FBXO24: variants seen among roughly 807,000 people sequenced by gnomAD.
FBXO24 encodes the protein F-box protein 24.
FBXO24 carries 30 observed loss-of-function variants against 63.5 expected under a neutral mutation model. The observed-to-expected ratio is 0.47, with a 90% confidence interval of 0.35 to 0.64. The LOEUF (loss-of-function observed/expected upper bound fraction) is 0.64. FBXO24 is among the 30% of genes least tolerant of loss of function. The pLI is 0.00. For synonymous variants in FBXO24, 300 were observed against 305.0 expected (o/e 0.98, Z 0.17); for missense variants, 624 against 763.4 (o/e 0.82, Z 2.15).
chr7:100,600,898 AATCC>A lies in FBXO24; in HGVS notation c.1743_*3del. 1.2e-6 allele frequency: 2 copies of A among 1,611,652 alleles called. No homozygotes were observed. Among genetic ancestry groups the A allele is most frequent in the African/African-American group, 2.7e-5 (2 of 74,984 alleles). Reference sequence around the variant, plus strand: ...GTAGGGCCCCCAGCCCCTGAGACCTAATCCCCCTCATGCTAGCCTAGTCCCTGGA... The same window carrying A: ...GTAGGGCCCCCAGCCCCTGAGACCTACCCTCATGCTAGCCTAGTCCCTGGA... On this transcript the variant is annotated stop_lost and 3_prime_UTR_variant, in exon 10 of 10. Coordinates refer to ENST00000241071, the MANE Select transcript of FBXO24 (RefSeq NM_033506.3). This position sits in a 1 kb window ranked among gnomAD's most constrained non-coding sequence, Gnocchi z 6.3.
chr7:100,591,428 GCTCA>G (rs1488431120), intron 3 of FBXO24, among the ~76,000 whole-genome samples: 1 of 152,184 alleles, frequency 6.6e-6, no homozygotes, highest in African/African-American at 2.4e-5. Context: ...CCAAAGAACT[GCTCA>G]CTAAGAAGCA....
At chr7:100,589,826 A>G (rs1584420151) in intron 1 of FBXO24, 151 bp from the exon 2 acceptor site, 2 of 1,517,060 alleles carry the variant, frequency 1.3e-6, no homozygotes, top group Non-Finnish European at 1.8e-6. Context: ...GATCGGGAGG[A>G]GTTATTTGGA....
chr7:100,590,150 C>G (rs376938195), intron 2 of FBXO24, 24 bp from the exon 3 acceptor site: 9 of 1,610,246 alleles, frequency 5.6e-6, no homozygotes, highest in Non-Finnish European at 7.6e-6. Context: ...AAAGACTCCC[C>G]GCTTCTTCCC....
chr7:100,600,506 C>T lies in FBXO24; in HGVS notation c.1378-28C>T. On this transcript the variant is annotated intron_variant, in intron 9 of 9. Transcript: ENST00000241071. This position sits in a 1 kb window ranked among gnomAD's most constrained non-coding sequence, Gnocchi z 6.3. The stretch of plus-strand genomic sequence containing the variant: ...ACCCTGCAAGGAAAGCACCACTCAG[C>T]CATGCCCCCTTTCTCTCCTCCTCCA... The T allele has an allele frequency of 6.5e-7, 1 of 1,529,950 alleles. No individual in the cohort carries two copies. The highest frequency in any genetic ancestry group is 8.8e-7 in the Non-Finnish European group (1 of 1,139,788). 94.8% of individuals were successfully genotyped at this position (1,529,950 alleles called of 1,614,324 possible).
At chr7:100,595,372 T>C (rs1203417736) in intron 7 of FBXO24, 149 bp downstream of exon 7, 6 of 1,451,504 alleles carry the variant, frequency 4.1e-6, no homozygotes, top group Non-Finnish European at 4.6e-6. Flanking sequence ...GGGGGCTCGG[T>C]GCGGAGGGAG....
intron 1 of FBXO24, 151 bp from the exon 2 acceptor site, chr7:100,589,826 A>C (rs1584420151): frequency 2.0e-6 from 3 of 1,517,060 alleles, no homozygotes; most frequent in Non-Finnish European, 2.7e-6. Flanking sequence ...GATCGGGAGG[A>C]GTTATTTGGA....
In FBXO24 at chr7:100,589,522, A is replaced by G. The variant is rs574573958; in HGVS notation, c.40-455A>G. ...ATGGGTCCTGGGCAAGATTAAAGGG[A>G]ACAGGTCACAGTGGCCAAACAGTGA... is the stretch of plus-strand genomic sequence containing the variant. On this transcript the variant is annotated intron_variant, in intron 1 of 9. Transcript: ENST00000241071. 9 of 1,376,330 alleles carry G rather than the reference A, an allele frequency of 6.5e-6. No individual in the cohort carries two copies. In the African/African-American group the frequency reaches 1.3e-4, roughly 20 times the overall value. 85.3% of individuals were successfully genotyped at this position (1,376,330 alleles called of 1,614,324 possible). A position where few individuals can be genotyped will look rare whatever the true frequency, so the allele number is the denominator to read the frequency against.
intron 7 of FBXO24, 72 bp downstream of exon 7, chr7:100,595,295 G>T: frequency 1.9e-6 from 3 of 1,605,158 alleles, no homozygotes; most frequent in Non-Finnish European, 2.6e-6. Context: ...AAGTATTATA[G>T]GAATCAGATT....
chr7:100,590,418 C>A, intron 3 of FBXO24, 61 bp downstream of exon 3: 1 of 1,527,778 alleles, frequency 6.5e-7, no homozygotes, highest in Non-Finnish European at 8.9e-7. Context: ...CCTTCCTGCT[C>A]TCTAAAGTCC....
intron 1 of FBXO24, 87 bp downstream of exon 1, chr7:100,586,751 T>C (rs771525328): frequency 2.7e-6 from 4 of 1,455,044 alleles, no homozygotes; most frequent in East Asian, 2.3e-5. Context: ...CAGTGGCGAG[T>C]GCGAGCTGGA....
Position 100,600,301 on chromosome 7 carries a change from G to C in FBXO24, c.1377+100G>C. The C allele has an allele frequency of 7.1e-7, 1 of 1,415,032 alleles. No homozygotes were observed. Among genetic ancestry groups the C allele is most frequent in the Non-Finnish European group, 9.4e-7 (1 of 1,067,300 alleles). The allele number at this position is 1,415,032 out of a possible 1,614,324, so 87.7% of individuals were successfully genotyped here. A position where few individuals can be genotyped will look rare whatever the true frequency, so the allele number is the denominator to read the frequency against. On this transcript the variant is annotated intron_variant, in intron 9 of 9. Transcript: ENST00000241071. The surrounding 1 kb of genome is among the most constrained non-coding windows in gnomAD (Gnocchi z 6.3). The stretch of plus-strand genomic sequence containing the variant: ...TGGGGCTCCTGCAGGGACCCAGGGG[G>C]TCCCATTTCCCTAGCACCACCCCAC...
chr7:100,593,315 C>T (rs1244655909), intron 5 of FBXO24, among the ~76,000 whole-genome samples: 1 of 151,902 alleles, frequency 6.6e-6, no homozygotes, highest in Non-Finnish European at 1.5e-5. Flanking sequence ...GCCAACATGG[C>T]GAAACCCCAT....
At chr7:100,595,469 G>A (rs1273305365) in intron 7 of FBXO24, 106 bp from the exon 8 acceptor site, 7 of 1,365,176 alleles carry the variant, frequency 5.1e-6, no homozygotes, top group Non-Finnish European at 7.0e-6. Flanking sequence ...TATATATATA[G>A]AAAGAGATCA....
At position 100,586,460 on chromosome 7, in the gene FBXO24, G is replaced by C. The variant is rs1801756837; in HGVS notation, c.-166G>C. On this transcript the variant is annotated 5_prime_UTR_variant, in exon 1 of 10. Transcript: ENST00000241071. ...AGGGGACACCGGCACTCCACTAGCA[G>C]GAAAACGGGCCGAGGGACCGCAAGC... 1 of 729,440 alleles carries C rather than the reference G, an allele frequency of 1.4e-6. No individual in the cohort carries two copies. 45.2% of individuals were successfully genotyped at this position (729,440 alleles called of 1,614,324 possible).
Position 100,592,826 on chromosome 7 carries a change from T to G in FBXO24, c.602T>G (p.Leu201Arg). The G allele has an allele frequency of 6.2e-7, 1 of 1,614,160 alleles. No homozygotes were observed. Among genetic ancestry groups the G allele is most frequent in the East Asian group, 2.2e-5 (1 of 44,878 alleles). ...TGTGACACAGTTTACCGTAAATACC[T>G]CTACGTCTTGGCCACTCGGGAGCCG... is the stretch of plus-strand genomic sequence containing the variant. ...PRCDTVYRKYLYVLATREPQE... is the reference protein window; with the variant it reads ...PRCDTVYRKYRYVLATREPQE... The change falls in exon 5 of 10, where the codon CTC (leucine) becomes CGC (arginine). Residue 201 changes from leucine (L) to arginine (R), a missense_variant. Leu to Arg is a moderately radical substitution (Grantham distance 102). Transcript: ENST00000241071.
chr7:100,593,917 T>C (rs1802162762), intron 5 of FBXO24, among the ~76,000 whole-genome samples: 1 of 152,068 alleles, frequency 6.6e-6, no homozygotes, highest in Admixed American at 6.6e-5. Flanking sequence ...TCCCCAGGCC[T>C]GAGACCCTTT....
rs769565283 is a variant in FBXO24, at chr7:100,600,940, G to T, written c.*41G>T. The T allele has an allele frequency of 2.5e-6, 4 of 1,584,100 alleles. No individual in the cohort carries two copies. In the East Asian group the frequency reaches 9.0e-5, roughly 35 times the overall value. On this transcript the variant is annotated 3_prime_UTR_variant, in exon 10 of 10. Coordinates refer to ENST00000241071, the MANE Select transcript of FBXO24 (RefSeq NM_033506.3). This position sits in a 1 kb window ranked among gnomAD's most constrained non-coding sequence, Gnocchi z 6.3. ...CCTAGTCCCTGGAGGAGGGAGTCCG[G>T]CCCCAGGCCAGGGACTAAGGAGCAA...
rs1802554269 is a variant in FBXO24, at chr7:100,600,607, A to G, written c.1451A>G (p.Gln484Arg). The G allele has an allele frequency of 1.2e-6, 2 of 1,612,614 alleles. No individual in the cohort carries two copies. The highest frequency in any genetic ancestry group is 3.3e-5 in the Admixed American group (2 of 59,916). The change falls in exon 10 of 10, where the codon CAG (glutamine) becomes CGG (arginine). Residue 484 changes from glutamine (Q) to arginine (R), a missense_variant. Gln to Arg is a conservative substitution (Grantham distance 43). This residue lies in a region of FBXO24 where 216 missense variants were observed against 245.2 expected (regional missense o/e 0.88). Transcript: ENST00000241071. This position sits in a 1 kb window ranked among gnomAD's most constrained non-coding sequence, Gnocchi z 6.3. Reference sequence around the variant, plus strand: ...ATCCTGTCCAGCCACGACATTGAGCAGCACGCCCCCTATCGCCACCTGCCA... The same window carrying G: ...ATCCTGTCCAGCCACGACATTGAGCGGCACGCCCCCTATCGCCACCTGCCA... ...LYILSSHDIE[Q>R]HAPYRHLPAS...
rs897915418 is a variant in FBXO24 at position 100,600,715 on chromosome 7, A to C, written c.1559A>C (p.Glu520Ala). ...QDPGGMAQAC[E>A]EYLSQIHSCQ... ...CCCGGGGGGATGGCCCAGGCCTGCG[A>C]GGAGTACCTCAGCCAGATCCACAGT... The change falls in exon 10 of 10, where the codon GAG becomes GCG. Residue 520 changes from glutamate to alanine, a missense_variant. Physicochemically the swap from Glu to Ala is moderately radical, Grantham distance 107. Around this residue, in one of 3 missense-constraint regions of FBXO24, gnomAD observed 216 missense variants for 245.2 expected, o/e 0.88. Coordinates refer to ENST00000241071, the MANE Select transcript of FBXO24 (RefSeq NM_033506.3). The surrounding 1 kb of genome is among the most constrained non-coding windows in gnomAD (Gnocchi z 6.3). The C allele has an allele frequency of 1.9e-6, 3 of 1,614,066 alleles. No homozygotes were observed. Among genetic ancestry groups the C allele is most frequent in the African/African-American group, 2.7e-5 (2 of 74,920 alleles).
Sources: allele counts gnomAD v4.1 joint callset (sites outside exome capture counted in the v4.1 genomes callset), GRCh38; gene constraint gnomAD v4.1.1; regional missense constraint gnomAD v4.1.1; non-coding constraint Gnocchi (gnomAD v3.1); transcripts MANE v1.5; gene names NCBI Gene and HGNC (gene_info 2026-07-23, HGNC 2026-07-21).